The following DMD variants were observed in gnomAD, a reference collection of about 807,000 sequenced individuals.
DMD encodes dystrophin.
A neutral mutation model predicts 330.1 loss-of-function variants in DMD; 63 were observed. The observed-to-expected ratio is 0.19, with a 90% CI of 0.16 to 0.24. The LOEUF (loss-of-function observed/expected upper bound fraction) is 0.24. Ranked by LOEUF, DMD falls within the 10% of genes least tolerant of loss-of-function variation. The probability of loss-of-function intolerance (pLI) is 1.00; values close to 1 mark genes in which losing one functional copy is unlikely to be tolerated. For missense variants in DMD, 3,344 were observed against 2,684.1 expected, an observed-to-expected ratio of 1.25 and a Z score of -5.43; for synonymous variants, 1,223 against 959.8, an observed-to-expected ratio of 1.27 and a Z score of -5.07.
Position 32,282,570 on chromosome X carries a change from T to C in DMD, c.6290+4959A>G, listed in dbSNP as rs190840336. 1.6e-3 allele frequency among the ~76,000 whole-genome samples: 175 copies of C among 112,210 alleles called. 1 individual carries two copies. Among genetic ancestry groups the C allele is most frequent in the African/African-American group, 5.6e-3 (172 of 30,931 alleles). On this transcript the variant is annotated intron_variant, in intron 43 of 78. Coordinates refer to ENST00000357033, the MANE Select transcript of DMD (RefSeq NM_004006.3). Reference sequence around the variant, plus strand: ...TAATACTTTGATGATGTGTAACTTGTTGAGATACATGTTGAAATTCTATTT... The same window carrying C: ...TAATACTTTGATGATGTGTAACTTGCTGAGATACATGTTGAAATTCTATTT...
chrX:31,524,065 C>G (rs1016163144), intron 55 of DMD, among the ~76,000 whole-genome samples: 1 of 111,836 alleles, frequency 8.9e-6, no homozygotes, highest in African/African-American at 3.3e-5. Context: ...GTCAGGAACA[C>G]AAGGGCAATA....
intron 1 of DMD, among the ~76,000 whole-genome samples, chrX:33,094,730 C>A (rs1203470523): frequency 9.3e-6 from 1 of 107,715 alleles, no homozygotes; most frequent in Non-Finnish European, 1.9e-5. Context: ...ATCGCTTGAA[C>A]CTGGGAGGTG....
rs1447222681 is a variant in DMD, at chrX:31,444,580, G to A, written c.8985C>T (p.Val2995=). 1 of 1,211,712 alleles carries A rather than the reference G, an allele frequency of 8.3e-7. No individual in the cohort carries two copies. ...IAPLKENVSH[V]NDLARQLTTL... ...TGGTAAGCTGGCGAGCAAGGTCATT[G>A]ACGTGGCTCACGTTCTCTTTCAGAG... The change falls in exon 60 of 79, where the codon GTC becomes GTT. Residue 2995 remains valine (V), a synonymous_variant. Coordinates refer to ENST00000357033, the MANE Select transcript of DMD (RefSeq NM_004006.3).
chrX:31,848,996 G>A lies in DMD; in HGVS notation c.7099-12177C>T, dbSNP rs944007902. ...CATATTTCTAATTCTACATCATGCCGATTGTGTGTGCGTGTGTTTAACTAG... is the reference window on the plus strand; with the variant it reads ...CATATTTCTAATTCTACATCATGCCAATTGTGTGTGCGTGTGTTTAACTAG... On this transcript the variant is annotated intron_variant, in intron 48 of 78. Coordinates refer to ENST00000357033, the MANE Select transcript of DMD (RefSeq NM_004006.3). Among the ~76,000 whole-genome samples, 4 of 110,430 alleles carry A rather than the reference G, an allele frequency of 3.6e-5. 1 individual carries two copies. The highest frequency in any genetic ancestry group is 5.6e-4 in the East Asian group (2 of 3,565).
intron 55 of DMD, among the ~76,000 whole-genome samples, chrX:31,593,280 G>A (rs918562858): frequency 9.0e-6 from 1 of 111,062 alleles, no homozygotes; most frequent in Non-Finnish European, 1.9e-5. Context: ...CTTGGAGGGG[G>A]TTTAAACCCA....
intron 37 of DMD, among the ~76,000 whole-genome samples, chrX:32,349,163 T>C (rs1335303034): frequency 9.0e-6 from 1 of 111,669 alleles, no homozygotes; most frequent in Non-Finnish European, 1.9e-5. Context: ...CATCAGTTTC[T>C]TTACTTTTGA....
chrX:31,572,552 G>A (rs936574274), intron 55 of DMD, among the ~76,000 whole-genome samples: 5 of 111,833 alleles, frequency 4.5e-5, no homozygotes, highest in Admixed American at 9.5e-5. Context: ...TAATTCCCCC[G>A]TTGGAAGCAG....
At chrX:32,450,280 C>T (rs938419855) in intron 26 of DMD, among the ~76,000 whole-genome samples, 1 of 110,890 alleles carries the variant, frequency 9.0e-6, no homozygotes, top group Non-Finnish European at 1.9e-5. Context: ...AGCATAATCA[C>T]CCTACTCCTT....
At chrX:32,473,765 A>G (rs1408869600) in intron 21 of DMD, among the ~76,000 whole-genome samples, 2 of 111,801 alleles carry the variant, frequency 1.8e-5, no homozygotes, top group Non-Finnish European at 3.8e-5. Flanking sequence ...TTATTAAAAG[A>G]TATTTGTAGT....
chrX:33,182,610 T>C (rs2050053890), intron 1 of DMD, among the ~76,000 whole-genome samples: 1 of 111,052 alleles, frequency 9.0e-6, no homozygotes, highest in African/African-American at 3.3e-5. Flanking sequence ...GTAGCAAACT[T>C]ATAAAGTAGT....
chrX:32,677,550 A>AC (rs2062055072), intron 9 of DMD, among the ~76,000 whole-genome samples: 1 of 111,698 alleles, frequency 9.0e-6, no homozygotes, highest in Non-Finnish European at 1.9e-5. Flanking sequence ...GTTTCTTTCT[A>AC]CCTCTTAAAA....
At chrX:32,979,454 T>C (rs1639634750) in intron 2 of DMD, among the ~76,000 whole-genome samples, 1 of 112,022 alleles carries the variant, frequency 8.9e-6, no homozygotes, top group Non-Finnish European at 1.9e-5. Flanking sequence ...TTGGCACTTA[T>C]AACTTTTTCC....
intron 43 of DMD, among the ~76,000 whole-genome samples, chrX:32,280,823 T>A (rs1344867017): frequency 8.9e-6 from 1 of 112,081 alleles, no homozygotes; most frequent in East Asian, 2.8e-4. Flanking sequence ...TTTCCTTACC[T>A]TGACATGAAA....
chrX:31,996,885 T>C (rs2095590813), intron 44 of DMD, among the ~76,000 whole-genome samples: 1 of 111,420 alleles, frequency 9.0e-6, no homozygotes, highest in Admixed American at 9.5e-5. Context: ...ACCACCAACC[T>C]AACTACACCA....
chrX:31,797,641 T>TA (rs1356272223), intron 50 of DMD, among the ~76,000 whole-genome samples: 3 of 112,040 alleles, frequency 2.7e-5, no homozygotes, highest in African/African-American at 9.7e-5. Context: ...CAAACTATAG[T>TA]AAGAAAGACA....
chrX:32,210,074 G>A (rs775724183), intron 44 of DMD, among the ~76,000 whole-genome samples: 10 of 111,418 alleles, frequency 9.0e-5, no homozygotes, highest in Middle Eastern at 4.6e-3. Context: ...CAATATTTAC[G>A]CAAGGATGAA....
At chrX:32,775,623 G>C (rs746814810) in intron 7 of DMD, among the ~76,000 whole-genome samples, 2 of 113,203 alleles carry the variant, frequency 1.8e-5, no homozygotes, top group African/African-American at 6.4e-5. Context: ...AGCTGAAGCA[G>C]CTAGGACACA....
intron 44 of DMD, among the ~76,000 whole-genome samples, chrX:32,058,249 T>C (rs2096194703): frequency 9.1e-6 from 1 of 109,846 alleles, no homozygotes; most frequent in African/African-American, 3.3e-5. Context: ...TATATCAAAC[T>C]AAAAAGCTTC....
At chrX:31,267,088 G>A (rs866107838) in intron 62 of DMD, 5 of 303,852 alleles carry the variant, frequency 1.6e-5, no homozygotes, top group South Asian at 7.9e-5. Flanking sequence ...CTTTCAAAAC[G>A]GAAAGGAAAA....
Sources: allele counts gnomAD v4.1 joint callset (sites outside exome capture counted in the v4.1 genomes callset), GRCh38; gene constraint gnomAD v4.1.1; transcripts MANE v1.5; gene names NCBI Gene and HGNC (gene_info 2026-07-23, HGNC 2026-07-21).